Variants in DOCK1 observed in about 807,000 individuals in gnomAD.
The protein encoded by DOCK1 is dedicator of cytokinesis 1, also known as dedicator of cytokinesis protein 1.
A neutral mutation model predicts 262.7 loss-of-function variants in DOCK1; 138 were observed. The observed-to-expected ratio is 0.53, with a 90% confidence interval of 0.46 to 0.61. DOCK1 has a LOEUF of 0.61. Ranked by LOEUF, DOCK1 falls within the 20% of genes least tolerant of loss-of-function variation. DOCK1 has a pLI of 0.00. For missense variants in DOCK1, 1,908 were observed against 2,370.7 expected (o/e 0.80, Z 4.05); for synonymous variants, 866 against 867.4 (o/e 1.00, Z 0.03).
intron 27 of DOCK1, among the ~76,000 whole-genome samples, chr10:127,128,284 T>C (rs1487378567): frequency 6.6e-6 from 1 of 151,924 alleles, no homozygotes; most frequent in Non-Finnish European, 1.5e-5. Flanking sequence ...CTGCACCCCC[T>C]TACCTTAAGT....
chr10:127,175,020 C>T lies in DOCK1; in HGVS notation c.2847+47256C>T, dbSNP rs747619158. Among the ~76,000 whole-genome samples, 1 of 152,132 alleles carries T rather than the reference C, an allele frequency of 6.6e-6. No homozygotes were observed. Among genetic ancestry groups the T allele is most frequent in the African/African-American group, 2.4e-5 (1 of 41,426 alleles). ...GATGAACATTAACCAGAAAGCGTAT[C>T]GTGCAGGATGCAGTGACGTCTAGTA... On this transcript the variant is annotated intron_variant, in intron 27 of 51. Coordinates refer to ENST00000623213, the MANE Select transcript of DOCK1 (RefSeq NM_001290223.2). This position sits in a 1 kb window ranked among gnomAD's most constrained non-coding sequence, Gnocchi z 6.3.
At chr10:126,956,368 A>G (rs887039015) in intron 1 of DOCK1, among the ~76,000 whole-genome samples, 9 of 152,184 alleles carry the variant, frequency 5.9e-5, no homozygotes, top group African/African-American at 1.9e-4. Flanking sequence ...TCTTGTGCTA[A>G]GGCCTACAGC....
chr10:127,052,915 C>T, intron 22 of DOCK1, 100 bp downstream of exon 22: 1 of 1,488,242 alleles, frequency 6.7e-7, no homozygotes, highest in South Asian at 1.3e-5. Flanking sequence ...TCTTTCCTTT[C>T]TTCTTCCCCC....
chr10:127,057,560 C>T (rs2045244540), intron 22 of DOCK1, among the ~76,000 whole-genome samples: 5 of 152,184 alleles, frequency 3.3e-5, no homozygotes, highest in African/African-American at 1.2e-4. Flanking sequence ...AGCTATGGCC[C>T]AAAGACATTT....
intron 27 of DOCK1, 25 bp from the exon 28 acceptor site, chr10:127,247,983 A>C: frequency 6.2e-7 from 1 of 1,609,120 alleles, no homozygotes. Context: ...GTCTCATCTA[A>C]TTCTATCTTT....
intron 12 of DOCK1, among the ~76,000 whole-genome samples, chr10:127,014,164 A>T (rs867665062): frequency 3.4e-4 from 47 of 139,192 alleles, no homozygotes; most frequent in Middle Eastern, 3.4e-3. Flanking sequence ...CACAAGAGAC[A>T]AAAATCCTGA....
intron 36 of DOCK1, 95 bp from the exon 37 acceptor site, chr10:127,381,183 T>C: frequency 9.8e-7 from 1 of 1,018,816 alleles, no homozygotes. Flanking sequence ...AGTGTAGCCA[T>C]GATTTACTGT....
At position 127,100,963 on chromosome 10, in the gene DOCK1, G is replaced by T. The variant is rs2048205453; in HGVS notation, c.2446-5268G>T. On this transcript the variant is annotated intron_variant, in intron 23 of 51. Transcript: ENST00000623213. This position sits in a 1 kb window ranked among gnomAD's most constrained non-coding sequence, Gnocchi z 5.5. ...CTGCTTTTCCGGGTGAGAGGCTGGT[G>T]TGGGCTTCATGATAGAAAGCAGGAG... 6.6e-6 allele frequency among the ~76,000 whole-genome samples: 1 copy of T among 152,088 alleles called. No individual in the cohort carries two copies. The highest frequency in any genetic ancestry group is 1.5e-5 in the Non-Finnish European group (1 of 68,020).
At chr10:126,994,937 G>A (rs1207921370) in intron 6 of DOCK1, among the ~76,000 whole-genome samples, 2 of 151,432 alleles carry the variant, frequency 1.3e-5, no homozygotes, top group African/African-American at 2.4e-5. Context: ...GGTGGCTGCC[G>A]GGTGGAGGGG....
intron 27 of DOCK1, among the ~76,000 whole-genome samples, chr10:127,139,086 T>C (rs1321334240): frequency 6.6e-6 from 1 of 152,210 alleles, no homozygotes; most frequent in Non-Finnish European, 1.5e-5. Flanking sequence ...CCTCCTTCCA[T>C]GTCTGGTCTG....
intron 1 of DOCK1, among the ~76,000 whole-genome samples, chr10:126,920,520 C>T (rs1473096509): frequency 6.6e-6 from 1 of 152,146 alleles, no homozygotes; most frequent in South Asian, 2.1e-4. Context: ...CTTTTCTGCT[C>T]CCAAATGCAG....
At chr10:127,177,271 T>C (rs1009575424) in intron 27 of DOCK1, 2 of 152,218 alleles carry the variant, frequency 1.3e-5, no homozygotes, top group African/African-American at 4.8e-5. Flanking sequence ...ACTATGAGGC[T>C]TTATGTTAAT....
intron 6 of DOCK1, among the ~76,000 whole-genome samples, chr10:126,994,733 C>T (rs1337487126): frequency 6.6e-6 from 1 of 152,220 alleles, no homozygotes; most frequent in Non-Finnish European, 1.5e-5. Flanking sequence ...TACACAGACA[C>T]AGTAACAATC....
At chr10:126,908,288 T>C (rs2031241356) in intron 1 of DOCK1, among the ~76,000 whole-genome samples, 1 of 152,148 alleles carries the variant, frequency 6.6e-6, no homozygotes, top group East Asian at 1.9e-4. Context: ...CAGTAGGTGA[T>C]TGGCTGTTTC....
intron 23 of DOCK1, among the ~76,000 whole-genome samples, chr10:127,089,041 C>T (rs1347363820): frequency 6.6e-6 from 1 of 152,194 alleles, no homozygotes; most frequent in East Asian, 1.9e-4. Flanking sequence ...CGCAGCCATG[C>T]CGCAGCCACC....
intron 23 of DOCK1, among the ~76,000 whole-genome samples, chr10:127,102,244 C>T (rs2136192004): frequency 6.6e-6 from 1 of 152,230 alleles, no homozygotes; most frequent in Non-Finnish European, 1.5e-5. Flanking sequence ...CTGACCTGGG[C>T]CAAAGACTTC....
chr10:127,080,176 A>G (rs2136002721), intron 23 of DOCK1, among the ~76,000 whole-genome samples: 1 of 152,242 alleles, frequency 6.6e-6, no homozygotes, highest in Middle Eastern at 3.4e-3. Flanking sequence ...AAGTCTTTTC[A>G]GGTACCACAG....
chr10:127,420,910 T>TTTGTTTGC (rs2068469564), intron 46 of DOCK1, among the ~76,000 whole-genome samples: 1 of 150,986 alleles, frequency 6.6e-6, no homozygotes, highest in East Asian at 2.0e-4. Flanking sequence ...TATTTGTTTG[T>TTTGTTTGC]TTGTTTGTTT....
intron 43 of DOCK1, among the ~76,000 whole-genome samples, chr10:127,414,670 A>G (rs905481537): frequency 6.6e-6 from 1 of 152,210 alleles, no homozygotes; most frequent in Non-Finnish European, 1.5e-5. Context: ...ACGTCAAAAC[A>G]TTTTAAAGTT....
Sources: gnomAD v4.1 joint callset for allele counts (sites outside exome capture counted in the v4.1 genomes callset) on GRCh38, gnomAD v4.1.1 for gene constraint, Gnocchi (gnomAD v3.1) non-coding constraint, MANE v1.5 for transcripts, NCBI Gene and HGNC (gene_info 2026-07-23, HGNC 2026-07-21) for gene names.